Variants in RYR2 observed in about 807,000 individuals in gnomAD.
RYR2 encodes cardiac muscle ryanodine receptor-calcium release channel.
RYR2 carries 227 observed loss-of-function variants against 601.1 expected under a neutral mutation model. That is an observed-to-expected ratio of 0.38 (90% CI 0.34 to 0.42). RYR2 has a LOEUF of 0.42. RYR2 is among the 10% of genes least tolerant of loss of function. The pLI, the probability that RYR2 is intolerant of heterozygous loss-of-function variation, is 1.00. For missense variants in RYR2, 4,646 were observed against 6,156.5 expected (o/e 0.75, Z 8.21); for synonymous variants, 2,223 against 2,175.1 (o/e 1.02, Z -0.61).
chr1:237,801,367 CAAAAAAAAAAA>C (rs71162423), intron 97 of RYR2, among the ~76,000 whole-genome samples: 1 of 95,514 alleles, frequency 1.0e-5, no homozygotes, highest in African/African-American at 4.1e-5. Context: ...CCCATCTCTA[CAAAAAAAAAAA>C]AAAAAAAAAA....
At chr1:237,310,070 A>G (rs12730449) in intron 2 of RYR2, among the ~76,000 whole-genome samples, 69,335 of 152,016 alleles carry the variant, frequency 0.46, 16,781 homozygotes, top group African/African-American at 0.62. Context: ...ACAGTGCAGC[A>G]GCAGGCTGAA....
chr1:237,654,468 A>C, intron 52 of RYR2, 54 bp downstream of exon 52: 2 of 1,560,560 alleles, frequency 1.3e-6, no homozygotes, highest in Non-Finnish European at 1.8e-6. Context: ...ATAGAGCCAC[A>C]CATTCTTAGT....
chr1:237,085,622 A>G (rs1489901926), intron 1 of RYR2, among the ~76,000 whole-genome samples: 1 of 152,210 alleles, frequency 6.6e-6, no homozygotes, highest in African/African-American at 2.4e-5. Flanking sequence ...TCCTAATATC[A>G]AGAACCAAGA....
At chr1:237,310,231 G>C (rs1319796917) in intron 2 of RYR2, among the ~76,000 whole-genome samples, 1 of 152,182 alleles carries the variant, frequency 6.6e-6, no homozygotes, top group Non-Finnish European at 1.5e-5. Flanking sequence ...GATGACTACT[G>C]TAGGTATTAT....
At chr1:237,356,482 T>G (rs1164761051) in intron 4 of RYR2, among the ~76,000 whole-genome samples, 1 of 151,980 alleles carries the variant, frequency 6.6e-6, no homozygotes, top group Non-Finnish European at 1.5e-5. Context: ...CAGGCTGGTC[T>G]TGAACTCCTG....
chr1:237,352,539 C>G (rs769458351), intron 3 of RYR2, among the ~76,000 whole-genome samples: 6 of 152,088 alleles, frequency 3.9e-5, no homozygotes, highest in Non-Finnish European at 7.4e-5. Flanking sequence ...TCAGGTAGAT[C>G]AATGCAATCT....
chr1:237,714,919 G>A (rs1689131677), intron 71 of RYR2, among the ~76,000 whole-genome samples: 1 of 133,680 alleles, frequency 7.5e-6, no homozygotes, highest in African/African-American at 2.7e-5. Context: ...CTTGAACCCA[G>A]GAGATGGAGA....
At chr1:237,245,775 A>G (rs1686751636) in intron 1 of RYR2, among the ~76,000 whole-genome samples, 1 of 151,964 alleles carries the variant, frequency 6.6e-6, no homozygotes, top group African/African-American at 2.4e-5. Context: ...GCTTGTTTTG[A>G]TCTGTTTTTT....
At chr1:237,488,694 C>T (rs377490590) in intron 17 of RYR2, among the ~76,000 whole-genome samples, 4 of 152,090 alleles carry the variant, frequency 2.6e-5, no homozygotes, top group East Asian at 3.9e-4. Flanking sequence ...TTCTCCCCCA[C>T]CCTTAAGAAG....
chr1:237,671,544 T>A (rs112526629), intron 58 of RYR2, among the ~76,000 whole-genome samples: 3 of 151,250 alleles, frequency 2.0e-5, no homozygotes, highest in Non-Finnish European at 4.4e-5. Context: ...TGTGTGCGTG[T>A]GAGAGAGAGA....
chr1:237,777,879 A>T (rs2149332821), intron 87 of RYR2, among the ~76,000 whole-genome samples: 1 of 152,348 alleles, frequency 6.6e-6, no homozygotes. Flanking sequence ...GAAGCAAGAC[A>T]AGAAATTTGA....
intron 73 of RYR2, among the ~76,000 whole-genome samples, chr1:237,721,450 T>A (rs1689709359): frequency 6.6e-6 from 1 of 152,208 alleles, no homozygotes; most frequent in Admixed American, 6.5e-5. Context: ...TTCTGCTTCA[T>A]AACATTCAGT....
chr1:237,051,711 CA>C (rs1661305915), intron 1 of RYR2, among the ~76,000 whole-genome samples: 1 of 152,104 alleles, frequency 6.6e-6, no homozygotes, highest in Non-Finnish European at 1.5e-5. Flanking sequence ...TGTATTTTCT[CA>C]TGAAATCCCT....
chr1:237,346,690 A>G (rs1698341166), intron 3 of RYR2, among the ~76,000 whole-genome samples: 1 of 152,184 alleles, frequency 6.6e-6, no homozygotes, highest in Admixed American at 6.5e-5. Context: ...GAGTAAAGTT[A>G]GGAAATTGGG....
intron 1 of RYR2, among the ~76,000 whole-genome samples, chr1:237,257,510 G>T (rs1017599046): frequency 1.3e-5 from 2 of 152,050 alleles, no homozygotes; most frequent in Non-Finnish European, 2.9e-5. Flanking sequence ...TGTAATCAAT[G>T]GTAGCTTCTT....
At chr1:237,607,728 G>A (rs930313083) in intron 35 of RYR2, among the ~76,000 whole-genome samples, 4 of 152,152 alleles carry the variant, frequency 2.6e-5, no homozygotes, top group South Asian at 2.1e-4. Flanking sequence ...AGAGCTTTTC[G>A]AAATTCAGGA....
At chr1:237,125,589 A>G (rs1324696696) in intron 1 of RYR2, among the ~76,000 whole-genome samples, 2 of 152,226 alleles carry the variant, frequency 1.3e-5, no homozygotes, top group African/African-American at 4.8e-5. Flanking sequence ...AGTTTAAGGA[A>G]TTACATAAAA....
intron 1 of RYR2, among the ~76,000 whole-genome samples, chr1:237,136,009 G>T (rs1344111087): frequency 6.6e-6 from 1 of 152,176 alleles, no homozygotes; most frequent in Non-Finnish European, 1.5e-5. Context: ...CTGCTGTTGT[G>T]CAGGAAAGCC....
At chr1:237,576,721 G>A (rs932391658) in intron 29 of RYR2, among the ~76,000 whole-genome samples, 1 of 152,040 alleles carries the variant, frequency 6.6e-6, no homozygotes, top group African/African-American at 2.4e-5. Flanking sequence ...TATTAATGGG[G>A]AGAAGCTATT....
Sources: allele counts gnomAD v4.1 joint callset (sites outside exome capture counted in the v4.1 genomes callset), GRCh38; gene constraint gnomAD v4.1.1; transcripts MANE v1.5; gene names NCBI Gene and HGNC (gene_info 2026-07-23, HGNC 2026-07-21).